Variants in MTUS2 observed in about 807,000 individuals in gnomAD.
The protein encoded by MTUS2 is microtubule-associated tumor suppressor candidate 2.
A neutral mutation model predicts 114.1 loss-of-function variants in MTUS2; 40 were observed. The observed-to-expected ratio is 0.35, with a 90% CI of 0.27 to 0.46. The LOEUF is 0.46. MTUS2 is among the 20% of genes least tolerant of loss of function. The probability of loss-of-function intolerance (pLI) is 1.00; values close to 1 mark genes in which losing one functional copy is unlikely to be tolerated. For missense variants in MTUS2, 1,679 were observed against 1,705.4 expected (o/e 0.98, Z 0.27); for synonymous variants, 688 against 672.0 (o/e 1.02, Z -0.37).
At chr13:28,898,586 A>G (rs371357599) in intron 2 of MTUS2, among the ~76,000 whole-genome samples, 1 of 152,174 alleles carries the variant, frequency 6.6e-6, no homozygotes, top group African/African-American at 2.4e-5. Context: ...AAAATAAATG[A>G]TGTGGTTTAG....
chr13:29,182,165 G>T (rs4769686), intron 5 of MTUS2, among the ~76,000 whole-genome samples: 2 of 152,020 alleles, frequency 1.3e-5, no homozygotes, highest in East Asian at 3.9e-4. Flanking sequence ...GAGCCTGAGG[G>T]TAAGTTCTAA....
chr13:29,074,109 C>T (rs1264997373), intron 4 of MTUS2, among the ~76,000 whole-genome samples: 1 of 152,086 alleles, frequency 6.6e-6, no homozygotes, highest in Non-Finnish European at 1.5e-5. Flanking sequence ...CAAATCATAC[C>T]CAGTTCTCCC....
At chr13:29,427,334 T>C (rs1253380636) in intron 8 of MTUS2, among the ~76,000 whole-genome samples, 1 of 152,214 alleles carries the variant, frequency 6.6e-6, no homozygotes, top group Non-Finnish European at 1.5e-5. Flanking sequence ...CAGTCAACAA[T>C]GTATATCATC....
intron 4 of MTUS2, among the ~76,000 whole-genome samples, chr13:29,070,010 A>G (rs564603050): frequency 1.3e-5 from 2 of 152,338 alleles, no homozygotes; most frequent in East Asian, 3.9e-4. Context: ...CCAAAACCAT[A>G]TAAAAATCAT....
chr13:29,424,450 C>T (rs1478963287), intron 8 of MTUS2, among the ~76,000 whole-genome samples: 2 of 151,946 alleles, frequency 1.3e-5, no homozygotes, highest in Non-Finnish European at 2.9e-5. Context: ...ATAATCAGAA[C>T]ATTATGTTGC....
intron 2 of MTUS2, among the ~76,000 whole-genome samples, chr13:28,868,003 G>A (rs527503344): frequency 3.8e-4 from 58 of 152,086 alleles, no homozygotes; most frequent in Non-Finnish European, 6.6e-4. Flanking sequence ...TTAGACAATT[G>A]CATTGTTTCT....
At chr13:28,935,249 ATGT>A (rs1269023107) in intron 2 of MTUS2, among the ~76,000 whole-genome samples, 1 of 152,012 alleles carries the variant, frequency 6.6e-6, no homozygotes, top group African/African-American at 2.4e-5. Context: ...ATTCTGCATG[ATGT>A]TGTTATGAAC....
At chr13:28,846,739 G>A (rs1461626123) in intron 2 of MTUS2, among the ~76,000 whole-genome samples, 1 of 152,210 alleles carries the variant, frequency 6.6e-6, no homozygotes, top group African/African-American at 2.4e-5. Flanking sequence ...TAATAGAAGA[G>A]GGTATCAGGA....
chr13:29,488,355 C>T (rs1027663894), intron 11 of MTUS2, among the ~76,000 whole-genome samples: 9 of 152,006 alleles, frequency 5.9e-5, no homozygotes, highest in African/African-American at 2.2e-4. Context: ...TCTTAAGACT[C>T]CTTAGGGGAT....
At chr13:28,923,133 G>A (rs1399421874) in intron 2 of MTUS2, among the ~76,000 whole-genome samples, 6 of 151,890 alleles carry the variant, frequency 4.0e-5, no homozygotes, top group South Asian at 2.1e-4. Flanking sequence ...ATCGATCCCC[G>A]AATTAAAACA....
chr13:28,945,654 C>T (rs929837517), intron 2 of MTUS2, among the ~76,000 whole-genome samples: 1 of 152,058 alleles, frequency 6.6e-6, no homozygotes, highest in East Asian at 1.9e-4. Flanking sequence ...ATATCCTTTG[C>T]CCACTTTTTA....
chr13:29,074,775 G>GT (rs1889108405), intron 4 of MTUS2, among the ~76,000 whole-genome samples: 1 of 152,114 alleles, frequency 6.6e-6, no homozygotes, highest in Non-Finnish European at 1.5e-5. Flanking sequence ...CCCGGAACTA[G>GT]TTAACTAGCT....
intron 2 of MTUS2, among the ~76,000 whole-genome samples, chr13:28,879,539 AT>A (rs1878161564): frequency 6.6e-6 from 1 of 152,172 alleles, no homozygotes; most frequent in South Asian, 2.1e-4. Context: ...TGAGCTGGTT[AT>A]GTGAACGGCT....
At chr13:29,328,113 A>G (rs989822985) in intron 7 of MTUS2, among the ~76,000 whole-genome samples, 26 of 152,162 alleles carry the variant, frequency 1.7e-4, no homozygotes, top group African/African-American at 6.3e-4. Context: ...AGAGTTTTAT[A>G]TTCTGGATAT....
chr13:29,223,750 G>A (rs1052364393), intron 5 of MTUS2, among the ~76,000 whole-genome samples: 1 of 152,226 alleles, frequency 6.6e-6, no homozygotes, highest in Non-Finnish European at 1.5e-5. Flanking sequence ...GAGAAGGAGA[G>A]AAGAAAGGAG....
intron 4 of MTUS2, among the ~76,000 whole-genome samples, chr13:29,086,001 T>C (rs1413970926): frequency 6.6e-6 from 1 of 152,190 alleles, no homozygotes; most frequent in South Asian, 2.1e-4. Context: ...TGGTATGTCA[T>C]TGAGGTTTTG....
At chr13:29,331,834 T>C (rs940882099) in intron 7 of MTUS2, among the ~76,000 whole-genome samples, 17 of 152,248 alleles carry the variant, frequency 1.1e-4, no homozygotes, top group Admixed American at 9.8e-4. Context: ...TTTTTGTCAT[T>C]GGTTCTGTTT....
intron 2 of MTUS2, among the ~76,000 whole-genome samples, chr13:28,970,870 C>T (rs1049585391): frequency 2.0e-5 from 3 of 152,110 alleles, no homozygotes; most frequent in Non-Finnish European, 4.4e-5. Flanking sequence ...GAGGAGACGC[C>T]GCACTCAGGG....
At chr13:29,160,860 A>G (rs1413217898) in intron 5 of MTUS2, among the ~76,000 whole-genome samples, 1 of 152,190 alleles carries the variant, frequency 6.6e-6, no homozygotes, top group African/African-American at 2.4e-5. Flanking sequence ...AACTGTACTG[A>G]TAAACACAAC....
Sources: gnomAD v4.1 joint callset for allele counts (sites outside exome capture counted in the v4.1 genomes callset) on GRCh38, gnomAD v4.1.1 for gene constraint, MANE v1.5 for transcripts, NCBI Gene and HGNC (gene_info 2026-07-23, HGNC 2026-07-21) for gene names.